The following MAGI3 variants were observed in gnomAD, a reference collection of about 807,000 sequenced individuals.
MAGI3 encodes the protein membrane-associated guanylate kinase, WW and PDZ domain-containing protein 3.
A neutral mutation model predicts 121.8 loss-of-function variants in MAGI3; 43 were observed. The ratio of observed to expected loss-of-function variants is 0.35; its 90% CI spans 0.28 to 0.46. The LOEUF (loss-of-function observed/expected upper bound fraction) is 0.46. MAGI3 is among the 20% of genes least tolerant of loss of function. The pLI is 1.00. For missense variants in MAGI3, 1,547 were observed against 1,797.3 expected (o/e 0.86, Z 2.52); for synonymous variants, 553 against 639.3 (o/e 0.86, Z 2.04).
At chr1:113,568,338 G>A (rs941068202) in intron 2 of MAGI3, among the ~76,000 whole-genome samples, 18 of 151,948 alleles carry the variant, frequency 1.2e-4, no homozygotes, top group Admixed American at 1.0e-3. Flanking sequence ...GTGAAATTGA[G>A]GGATGCTAAA....
rs142144312 is a variant in MAGI3 at position 113,598,116 on chromosome 1, G to A, written c.1018+3556G>A. Among the ~76,000 whole-genome samples, 774 of 152,174 alleles carry A rather than the reference G, an allele frequency of 5.1e-3. 4 individuals carry two copies. The highest frequency in any genetic ancestry group is 0.018 in the African/African-American group (747 of 41,498). ...AATCCCAGCTACTCAGGAGGCTGAG[G>A]CAGGAGAATTGCTTAAACCCAGGAG... is the stretch of plus-strand genomic sequence containing the variant. On this transcript the variant is annotated intron_variant, in intron 6 of 20. Transcript: ENST00000307546.
intron 2 of MAGI3, among the ~76,000 whole-genome samples, chr1:113,567,520 A>G (rs563918308): frequency 2.2e-4 from 34 of 152,244 alleles, no homozygotes; most frequent in African/African-American, 7.5e-4. Context: ...ATTCTAAAGA[A>G]AATACTAGCA....
intron 1 of MAGI3, among the ~76,000 whole-genome samples, chr1:113,485,309 G>A (rs1367286059): frequency 1.3e-5 from 2 of 152,074 alleles, no homozygotes; most frequent in East Asian, 3.9e-4. Flanking sequence ...CTGTATCCAT[G>A]CCAACATCTA....
rs894066609 is a variant in MAGI3, at chr1:113,602,952, GTATGTGTATGTATACACA to G, written c.1018+8396_1018+8413del. On this transcript the variant is annotated intron_variant, in intron 6 of 20. Coordinates refer to ENST00000307546, the MANE Select transcript of MAGI3 (RefSeq NM_001142782.2). Reference sequence around the variant, plus strand: ...AAAAATAAAAAAAATCAAAGTGTGTGTATGTGTATGTATACACATATATATATATGTGTATACATACAC... The same window carrying G: ...AAAAATAAAAAAAATCAAAGTGTGTGTATATATATATGTGTATACATACAC... 4.0e-5 allele frequency among the ~76,000 whole-genome samples: 6 copies of G among 151,618 alleles called. No individual in the cohort carries two copies. The Admixed American group carries it at 4.0e-4, about 10-fold the overall frequency.
At chr1:113,439,219 A>G (rs1041875470) in intron 1 of MAGI3, among the ~76,000 whole-genome samples, 4 of 152,190 alleles carry the variant, frequency 2.6e-5, no homozygotes, top group Non-Finnish European at 5.9e-5. Flanking sequence ...CGAGATTGCT[A>G]CTCTGAGCAG....
At chr1:113,636,241 G>A (rs896780724) in intron 9 of MAGI3, among the ~76,000 whole-genome samples, 1 of 152,106 alleles carries the variant, frequency 6.6e-6, no homozygotes, top group African/African-American at 2.4e-5. Context: ...GTTCTGTTCT[G>A]ATTTTAGTTA....
At chr1:113,479,947 T>A (rs1462874898) in intron 1 of MAGI3, among the ~76,000 whole-genome samples, 3 of 152,192 alleles carry the variant, frequency 2.0e-5, no homozygotes, top group Admixed American at 1.3e-4. Flanking sequence ...TGTTTCTTTT[T>A]TGTGGTTTCT....
chr1:113,665,064 T>C (rs563450160), intron 16 of MAGI3, among the ~76,000 whole-genome samples: 2 of 152,192 alleles, frequency 1.3e-5, no homozygotes, highest in Admixed American at 1.3e-4. Context: ...AGTCATTTTT[T>C]CCCCACATCA....
chr1:113,583,598 G>C (rs1217204), intron 3 of MAGI3, among the ~76,000 whole-genome samples: 112,030 of 151,948 alleles, frequency 0.74, 41,847 homozygotes, highest in African/African-American at 0.78. Context: ...CCTTGATACT[G>C]TGATTAATGG....
At chr1:113,445,611 A>G (rs1654140962) in intron 1 of MAGI3, among the ~76,000 whole-genome samples, 1 of 152,166 alleles carries the variant, frequency 6.6e-6, no homozygotes, top group African/African-American at 2.4e-5. Flanking sequence ...CTCTTAAAAA[A>G]TCATATTTTT....
At chr1:113,629,875 C>G (rs1160176834) in intron 9 of MAGI3, among the ~76,000 whole-genome samples, 1 of 151,352 alleles carries the variant, frequency 6.6e-6, no homozygotes, top group Admixed American at 6.6e-5. Context: ...GCCACCACCA[C>G]TGGGACTGCG....
At chr1:113,593,524 C>T (rs1648819294) in intron 5 of MAGI3, among the ~76,000 whole-genome samples, 1 of 152,276 alleles carries the variant, frequency 6.6e-6, no homozygotes, top group Admixed American at 6.5e-5. Context: ...ACCTGTGCAA[C>T]AGAGCAAGAC....
intron 1 of MAGI3, among the ~76,000 whole-genome samples, chr1:113,447,496 A>C (rs369043543): frequency 6.6e-6 from 1 of 152,338 alleles, no homozygotes; most frequent in African/African-American, 2.4e-5. Flanking sequence ...TTAAACTTCA[A>C]CGTAACTTTG....
Position 113,549,573 on chromosome 1 carries a change from A to G in MAGI3, c.375A>G (p.Ser125=). 1 of 1,611,508 alleles carries G rather than the reference A, an allele frequency of 6.2e-7. No individual in the cohort carries two copies. The change falls in exon 2 of 21, where the codon TCA becomes TCG. Residue 125 remains serine, a synonymous_variant. Coordinates refer to ENST00000307546, the MANE Select transcript of MAGI3 (RefSeq NM_001142782.2). The stretch of plus-strand genomic sequence containing the variant: ...TAAGTCTTCAGTTTCAAAAAGGATC[A>G]ATTGACCACAAACTGCAGCAAGTGA... ...HYLSLQFQKG[S]IDHKLQQVIR... is the part of the protein sequence containing the mutation.
Position 113,654,020 on chromosome 1 carries a change from T to C in MAGI3, c.2629+2T>C. On this transcript the variant is annotated splice_donor_variant, in intron 15 of 20. Coordinates refer to ENST00000307546, the MANE Select transcript of MAGI3 (RefSeq NM_001142782.2). LOFTEE classifies it high-confidence loss of function. The stretch of plus-strand genomic sequence containing the variant: ...CCAAAAACAAACCACCTCCAGGAGG[T>C]AAGGGCTATTGTATCTTATTGTCTC... The C allele has an allele frequency of 6.2e-7, 1 of 1,610,722 alleles. No homozygotes were observed. The highest frequency in any genetic ancestry group is 8.5e-7 in the Non-Finnish European group (1 of 1,178,164).
At chr1:113,585,310 G>T in intron 3 of MAGI3, 77 bp from the exon 4 acceptor site, 1 of 1,348,812 alleles carries the variant, frequency 7.4e-7, no homozygotes, top group Non-Finnish European at 1.0e-6. Context: ...AAACAGGGCA[G>T]AGACATACAC....
At chr1:113,682,393 G>C in intron 20 of MAGI3, 1 of 1,442,626 alleles carries the variant, frequency 6.9e-7, no homozygotes, top group Non-Finnish European at 9.1e-7. Context: ...TCTATCTTCT[G>C]CACTTTTCAG....
chr1:113,569,952 C>T (rs1375163774), intron 2 of MAGI3, among the ~76,000 whole-genome samples: 3 of 152,186 alleles, frequency 2.0e-5, no homozygotes, highest in Admixed American at 2.0e-4. Context: ...TATGCATGTG[C>T]CATGGTGGTT....
intron 1 of MAGI3, among the ~76,000 whole-genome samples, chr1:113,512,942 A>G (rs1657693088): frequency 6.6e-6 from 1 of 152,222 alleles, no homozygotes; most frequent in Non-Finnish European, 1.5e-5. Flanking sequence ...AGGATACAAA[A>G]TCAATGTACA....
Sources: gnomAD v4.1 joint callset for allele counts (sites outside exome capture counted in the v4.1 genomes callset) on GRCh38, gnomAD v4.1.1 for gene constraint, MANE v1.5 for transcripts, NCBI Gene and HGNC (gene_info 2026-07-23, HGNC 2026-07-21) for gene names.